Variants in DLGAP1 observed in about 807,000 individuals in gnomAD.
The protein encoded by DLGAP1 is disks large-associated protein 1.
In DLGAP1, 11 loss-of-function variants were observed where a neutral mutation model predicts 90.8. The ratio of observed to expected loss-of-function variants is 0.12; its 90% confidence interval spans 0.08 to 0.20. The LOEUF is 0.20. DLGAP1 is among the 10% of genes least tolerant of loss of function. The probability of loss-of-function intolerance (pLI) is 1.00; values close to 1 mark genes in which losing one functional copy is unlikely to be tolerated. For synonymous variants in DLGAP1, 558 were observed against 540.7 expected (o/e 1.03, Z -0.44); for missense variants, 1,050 against 1,333.8 (o/e 0.79, Z 3.31).
intron 1 of DLGAP1, among the ~76,000 whole-genome samples, chr18:4,203,136 G>A (rs745343482): frequency 8.6e-5 from 13 of 151,946 alleles, no homozygotes; most frequent in South Asian, 4.1e-4. Flanking sequence ...TTAGCTGGGC[G>A]TGGTGGCGGG....
intron 1 of DLGAP1, among the ~76,000 whole-genome samples, chr18:4,452,616 A>G (rs2144921675): frequency 6.6e-6 from 1 of 152,336 alleles, no homozygotes; most frequent in Non-Finnish European, 1.5e-5. Context: ...AAAGTAGAAC[A>G]CTACAATTAG....
chr18:3,785,369 G>A (rs2148166956), intron 5 of DLGAP1, among the ~76,000 whole-genome samples: 1 of 152,216 alleles, frequency 6.6e-6, no homozygotes, highest in East Asian at 1.9e-4. Flanking sequence ...GCCCTCTGAA[G>A]GTTCACTGAA....
chr18:3,974,162 C>T (rs1460865228), intron 3 of DLGAP1, among the ~76,000 whole-genome samples: 1 of 152,068 alleles, frequency 6.6e-6, no homozygotes, highest in Non-Finnish European at 1.5e-5. Flanking sequence ...GCAACCTCCG[C>T]CTCCTGGGTT....
intron 9 of DLGAP1, among the ~76,000 whole-genome samples, chr18:3,554,779 GATCAATC>G (rs374004319): frequency 6.6e-6 from 1 of 152,166 alleles, no homozygotes; most frequent in Non-Finnish European, 1.5e-5. Context: ...CTCCTTAATA[GATCAATC>G]AGTTAGGTGG....
intron 2 of DLGAP1, among the ~76,000 whole-genome samples, chr18:4,110,363 T>C (rs1023039425): frequency 2.0e-5 from 3 of 152,218 alleles, no homozygotes; most frequent in Non-Finnish European, 2.9e-5. Context: ...TGACTGAGCA[T>C]CATTATGTGG....
chr18:3,863,609 A>G (rs919582068), intron 4 of DLGAP1, among the ~76,000 whole-genome samples: 4 of 152,214 alleles, frequency 2.6e-5, no homozygotes, highest in Non-Finnish European at 4.4e-5. Context: ...ACTGCTATCC[A>G]CAGCGTCCAT....
intron 7 of DLGAP1, among the ~76,000 whole-genome samples, chr18:3,601,439 GGTGTGTGTGTGT>G (rs112583120): frequency 6.1e-5 from 9 of 148,112 alleles, no homozygotes; most frequent in East Asian, 5.9e-4. Context: ...CATATGCAAG[GGTGTGTGTGTGT>G]GTGTGTGTGT....
intron 2 of DLGAP1, among the ~76,000 whole-genome samples, chr18:4,110,579 T>C (rs1183860011): frequency 6.6e-6 from 1 of 152,180 alleles, no homozygotes; most frequent in Non-Finnish European, 1.5e-5. Context: ...TTCAGTCAAT[T>C]GTTTAGAGCC....
At chr18:4,008,222 T>TACAC (rs1445067282) in intron 2 of DLGAP1, among the ~76,000 whole-genome samples, 43 of 141,900 alleles carry the variant, frequency 3.0e-4, no homozygotes, top group Middle Eastern at 3.6e-3. Context: ...TAAATATATA[T>TACAC]ATATACACAC....
At chr18:4,067,589 T>A (rs1428432389) in intron 2 of DLGAP1, among the ~76,000 whole-genome samples, 1 of 91,148 alleles carries the variant, frequency 1.1e-5, no homozygotes, top group Non-Finnish European at 2.5e-5. Flanking sequence ...GAGTTTGGCA[T>A]TTTTTTTTTT....
At chr18:4,169,310 G>A (rs568107900) in intron 1 of DLGAP1, among the ~76,000 whole-genome samples, 1 of 152,228 alleles carries the variant, frequency 6.6e-6, no homozygotes, top group African/African-American at 2.4e-5. Context: ...GTACCTCACT[G>A]TAATTTTCTT....
At chr18:4,414,775 T>C (rs1204303720) in intron 1 of DLGAP1, among the ~76,000 whole-genome samples, 1 of 151,864 alleles carries the variant, frequency 6.6e-6, no homozygotes, top group Non-Finnish European at 1.5e-5. Flanking sequence ...GAGACTACAT[T>C]CTCTCTCAGC....
At chr18:3,606,091 A>G (rs559391434) in intron 7 of DLGAP1, among the ~76,000 whole-genome samples, 1 of 152,340 alleles carries the variant, frequency 6.6e-6, no homozygotes, top group South Asian at 2.1e-4. Flanking sequence ...TGAAAGTGAA[A>G]GATTAAAGAA....
chr18:3,887,220 T>A (rs2071340319), intron 3 of DLGAP1, among the ~76,000 whole-genome samples: 1 of 152,144 alleles, frequency 6.6e-6, no homozygotes, highest in African/African-American at 2.4e-5. Context: ...CTCGCGGTTA[T>A]TTTGCTTTCT....
intron 12 of DLGAP1, among the ~76,000 whole-genome samples, chr18:3,500,266 G>T (rs2049860558): frequency 6.6e-6 from 1 of 151,956 alleles, no homozygotes; most frequent in African/African-American, 2.4e-5. Context: ...CATCTCTTTG[G>T]CATTAAAAAA....
intron 1 of DLGAP1, among the ~76,000 whole-genome samples, chr18:4,248,243 A>G (rs1197524845): frequency 6.6e-6 from 1 of 152,208 alleles, no homozygotes; most frequent in South Asian, 2.1e-4. Flanking sequence ...TGCTGACTTT[A>G]AAGCTCAAAG....
intron 2 of DLGAP1, among the ~76,000 whole-genome samples, chr18:4,005,750 C>T (rs552133893): frequency 5.9e-5 from 9 of 152,304 alleles, no homozygotes; most frequent in Admixed American, 5.2e-4. Flanking sequence ...ATCAAGTGCT[C>T]CATAGTCTCA....
At chr18:3,936,037 G>A (rs545022913) in intron 3 of DLGAP1, among the ~76,000 whole-genome samples, 12 of 152,058 alleles carry the variant, frequency 7.9e-5, no homozygotes, top group African/African-American at 2.9e-4. Context: ...TCTCTTGAGG[G>A]GCATTCCAGC....
At chr18:3,692,510 G>C (rs1433787112) in intron 7 of DLGAP1, among the ~76,000 whole-genome samples, 1 of 152,186 alleles carries the variant, frequency 6.6e-6, no homozygotes, top group African/African-American at 2.4e-5. Flanking sequence ...GCAGGATGGG[G>C]AGGCATAAGC....
Sources: gnomAD v4.1 joint callset for allele counts (sites outside exome capture counted in the v4.1 genomes callset) on GRCh38, gnomAD v4.1.1 for gene constraint, MANE v1.5 for transcripts, NCBI Gene and HGNC (gene_info 2026-07-23, HGNC 2026-07-21) for gene names.